The following IL1RAPL1 variants were observed in gnomAD, a reference collection of about 807,000 sequenced individuals.
IL1RAPL1 encodes interleukin 1 receptor accessory protein like 1, also known as interleukin-1 receptor accessory protein-like 1.
Under a neutral mutation model 48.4 loss-of-function variants are expected in IL1RAPL1, and 3 were observed. The observed-to-expected ratio is 0.06, with a 90% confidence interval of 0.03 to 0.16. The LOEUF (loss-of-function observed/expected upper bound fraction) is 0.16, where lower values mean the gene tolerates loss of function less well. IL1RAPL1 is among the 10% of genes least tolerant of loss of function. The pLI is 1.00. For synonymous variants in IL1RAPL1, 185 were observed against 187.7 expected, an observed-to-expected ratio of 0.99 and a Z score of 0.12; for missense variants, 349 against 530.6, an observed-to-expected ratio of 0.66 and a Z score of 3.36.
intron 2 of IL1RAPL1, among the ~76,000 whole-genome samples, chrX:28,790,502 A>C (rs1336493970): frequency 8.8e-6 from 1 of 113,008 alleles, no homozygotes. Flanking sequence ...TCCTGGGGAT[A>C]AAGTCTGAAG....
rs192644058 is a variant in IL1RAPL1 at position 29,910,942 on chromosome X, A to G, written c.779-6522A>G. Among the ~76,000 whole-genome samples the G allele has an allele frequency of 8.9e-5, 10 of 111,742 alleles. No individual in the cohort carries two copies. The East Asian group carries it at 2.2e-3, about 25-fold the overall frequency. The stretch of plus-strand genomic sequence containing the variant: ...GGCAGGAATGTAAAATGGCACAGCC[A>G]CTTTGAAAACCAATTTGTTATTTCT... On this transcript the variant is annotated intron_variant, in intron 6 of 10. Coordinates refer to ENST00000378993, the MANE Select transcript of IL1RAPL1 (RefSeq NM_014271.4).
chrX:29,310,144 A>AC (rs1932701175), intron 3 of IL1RAPL1, among the ~76,000 whole-genome samples: 1 of 99,893 alleles, frequency 1.0e-5, no homozygotes, highest in Non-Finnish European at 2.0e-5. Context: ...GGAAAAAAAA[A>AC]AAAACAAAAA....
intron 2 of IL1RAPL1, among the ~76,000 whole-genome samples, chrX:29,135,980 G>C (rs1473062886): frequency 9.0e-6 from 1 of 111,676 alleles, no homozygotes; most frequent in African/African-American, 3.3e-5. Context: ...CAAGTGATCT[G>C]CCTGCCTTGG....
intron 3 of IL1RAPL1, among the ~76,000 whole-genome samples, chrX:29,319,312 C>T (rs1055581409): frequency 3.8e-5 from 4 of 105,439 alleles, no homozygotes; most frequent in Non-Finnish European, 5.8e-5. Flanking sequence ...TCACCTCAGC[C>T]TCCCGAGTAG....
chrX:29,267,364 C>T (rs1931971714), intron 2 of IL1RAPL1, among the ~76,000 whole-genome samples: 1 of 112,125 alleles, frequency 8.9e-6, no homozygotes, highest in African/African-American at 3.2e-5. Flanking sequence ...AATATAAAAA[C>T]ATACCTTTGA....
intron 2 of IL1RAPL1, among the ~76,000 whole-genome samples, chrX:29,143,972 A>G (rs914859002): frequency 8.9e-5 from 10 of 111,808 alleles, no homozygotes; most frequent in African/African-American, 3.2e-4. Context: ...AATATCAGGA[A>G]ATAAGCCTGG....
At chrX:29,326,070 G>A (rs1010256790) in intron 3 of IL1RAPL1, among the ~76,000 whole-genome samples, 6 of 112,230 alleles carry the variant, frequency 5.3e-5, no homozygotes, top group Non-Finnish European at 1.1e-4. Context: ...AAGATTTGGA[G>A]GGGACAAACA....
intron 5 of IL1RAPL1, among the ~76,000 whole-genome samples, chrX:29,602,705 T>A (rs1217239873): frequency 8.9e-6 from 1 of 112,703 alleles, no homozygotes; most frequent in Non-Finnish European, 1.9e-5. Flanking sequence ...CTTTAATATT[T>A]CCCAGGCTAT....
At chrX:28,945,134 T>G (rs1220463798) in intron 2 of IL1RAPL1, among the ~76,000 whole-genome samples, 1 of 111,637 alleles carries the variant, frequency 9.0e-6, no homozygotes, top group Non-Finnish European at 1.9e-5. Flanking sequence ...GAAATAGGAA[T>G]GCTTTTACAC....
chrX:28,785,406 G>A (rs1318281615), intron 1 of IL1RAPL1, among the ~76,000 whole-genome samples: 5 of 112,168 alleles, frequency 4.5e-5, no homozygotes, highest in East Asian at 2.8e-4. Context: ...GATTACAGGC[G>A]TGAGCCACCA....
chrX:28,844,495 T>C (rs1472474278), intron 2 of IL1RAPL1, among the ~76,000 whole-genome samples: 3 of 109,780 alleles, frequency 2.7e-5, no homozygotes, highest in Non-Finnish European at 5.7e-5. Context: ...TCATCAGACA[T>C]GAGCGAGGCC....
chrX:29,099,940 G>A (rs903724178), intron 2 of IL1RAPL1, among the ~76,000 whole-genome samples: 3 of 111,186 alleles, frequency 2.7e-5, no homozygotes, highest in African/African-American at 6.5e-5. Flanking sequence ...TAGGCCGGGC[G>A]TGGTGGCTCA....
chrX:29,196,996 A>G (rs1011830386), intron 2 of IL1RAPL1, among the ~76,000 whole-genome samples: 1 of 110,252 alleles, frequency 9.1e-6, no homozygotes, highest in African/African-American at 3.3e-5. Flanking sequence ...ACCCAACTTC[A>G]TCTTTTTCTT....
At chrX:29,942,713 G>A (rs770308479) in intron 9 of IL1RAPL1, among the ~76,000 whole-genome samples, 101 of 108,800 alleles carry the variant, frequency 9.3e-4, no homozygotes, top group African/African-American at 3.2e-3. Context: ...TCCGCCTCCC[G>A]GGTTCAAGCG....
chrX:29,841,666 C>T (rs1207247633), intron 6 of IL1RAPL1, among the ~76,000 whole-genome samples: 2 of 111,303 alleles, frequency 1.8e-5, no homozygotes, highest in Non-Finnish European at 3.8e-5. Context: ...AACTGTAATA[C>T]GGTATGTAAG....
chrX:29,455,699 G>A (rs1209631470), intron 5 of IL1RAPL1, among the ~76,000 whole-genome samples: 1 of 111,540 alleles, frequency 9.0e-6, no homozygotes, highest in Non-Finnish European at 1.9e-5. Context: ...CATGATGTGA[G>A]TTCACACTTC....
At chrX:29,931,226 A>G (rs1932945857) in intron 8 of IL1RAPL1, among the ~76,000 whole-genome samples, 1 of 111,549 alleles carries the variant, frequency 9.0e-6, no homozygotes, top group Non-Finnish European at 1.9e-5. Context: ...CAAAATGAGA[A>G]AGAAAGGCAA....
intron 3 of IL1RAPL1, among the ~76,000 whole-genome samples, chrX:29,375,981 G>A (rs1425026524): frequency 1.8e-5 from 2 of 111,455 alleles, no homozygotes; most frequent in African/African-American, 3.3e-5. Flanking sequence ...GTGGTCTATC[G>A]ATCTTGTTTA....
At chrX:29,185,437 A>G (rs1930231726) in intron 2 of IL1RAPL1, among the ~76,000 whole-genome samples, 1 of 112,168 alleles carries the variant, frequency 8.9e-6, no homozygotes, top group African/African-American at 3.2e-5. Context: ...TAAAATGAGA[A>G]TAATAATGTT....
Sources: allele counts gnomAD v4.1 joint callset (sites outside exome capture counted in the v4.1 genomes callset), GRCh38; gene constraint gnomAD v4.1.1; transcripts MANE v1.5; gene names NCBI Gene and HGNC (gene_info 2026-07-23, HGNC 2026-07-21).